Variants in TOX3 observed in about 807,000 individuals in gnomAD.
The protein encoded by TOX3 is CAG trinucleotide repeat-containing gene F9 protein.
TOX3 carries 22 observed loss-of-function variants against 64.3 expected under a neutral mutation model. The observed-to-expected ratio is 0.34, with a 90% CI of 0.24 to 0.49. TOX3 has a LOEUF of 0.49. Among genes scored for constraint, TOX3 ranks in the 20% least tolerant of loss-of-function variants. The probability of loss-of-function intolerance (pLI) is 0.99; values close to 1 mark genes in which losing one functional copy is unlikely to be tolerated. For synonymous variants in TOX3, 291 were observed against 273.6 expected (o/e 1.06, Z -0.63); for missense variants, 661 against 714.4 (o/e 0.93, Z 0.85).
chr16:52,489,949 A>G (rs1294048761), intron 1 of TOX3, among the ~76,000 whole-genome samples: 3 of 152,078 alleles, frequency 2.0e-5, no homozygotes, highest in Admixed American at 2.0e-4. Flanking sequence ...TCAGATGCCA[A>G]TTTCCTCCCT....
intron 1 of TOX3, among the ~76,000 whole-genome samples, chr16:52,502,546 G>A (rs1460896800): frequency 6.6e-6 from 1 of 152,158 alleles, no homozygotes; most frequent in East Asian, 1.9e-4. Context: ...TTAATAAAAA[G>A]CAGTAAGGTC....
Position 52,439,424 on chromosome 16 carries a change from T to C in TOX3, c.1532A>G (p.Gln511Arg), listed in dbSNP as rs940034630. Reference sequence around the variant, plus strand: ...CAGCTGCTGCAGCTGGAGGCGCTGCTGCAGCTGCTGCTGCAGCTGCTGTTG... The same window carrying C: ...CAGCTGCTGCAGCTGGAGGCGCTGCCGCAGCTGCTGCTGCAGCTGCTGTTG... The part of the protein sequence containing the change: ...INQQQLQQQL[Q>R]QRLQLQQLQH... The change falls in exon 7 of 7, where the codon CAG becomes CGG. Residue 511 changes from glutamine to arginine, a missense_variant. By Grantham distance (43) the Gln-to-Arg change is conservative. This residue lies in a region of TOX3 where 299 missense variants were observed against 292.1 expected (regional missense o/e 1.02). Coordinates refer to ENST00000219746, the MANE Select transcript of TOX3 (RefSeq NM_001080430.4). The C allele has an allele frequency of 5.2e-6, 8 of 1,547,592 alleles. No individual in the cohort carries two copies. Among genetic ancestry groups the C allele is most frequent in the Non-Finnish European group, 7.0e-6 (8 of 1,138,188 alleles).
At position 52,529,205 on chromosome 16, in the gene TOX3, G is replaced by A. The variant is rs1962792721; in HGVS notation, c.87+17432C>T. ...TAATTTTCCTGTTTTCATCATTTCA[G>A]TAGATTCTATAATTCTAGGGGGAAA... On this transcript the variant is annotated intron_variant, in intron 1 of 6. Transcript: ENST00000219746. Among the ~76,000 whole-genome samples, 3 of 152,140 alleles carry A rather than the reference G, an allele frequency of 2.0e-5. No homozygotes were observed. The South Asian group carries it at 6.2e-4, about 31-fold the overall frequency.
At chr16:52,473,068 T>C (rs1328839649) in intron 1 of TOX3, among the ~76,000 whole-genome samples, 1 of 152,170 alleles carries the variant, frequency 6.6e-6, no homozygotes, top group East Asian at 1.9e-4. Context: ...CAGGATTTTT[T>C]AGAAATTTAT....
rs890372098 is a variant in TOX3 at position 52,515,192 on chromosome 16, AAAAAAAG to A, written c.87+31438_87+31444del. Among the ~76,000 whole-genome samples the A allele has an allele frequency of 2.0e-5, 3 of 150,854 alleles. 1 individual carries two copies. The highest frequency in any genetic ancestry group is 4.4e-5 in the Non-Finnish European group (3 of 67,890). Reference sequence around the variant, plus strand: ...AAGTATAGCTATGAATGTTAAAAAAAAAAAAAGAAAAAGAAAAAGAAAGAAAAAAGAA... The same window carrying A: ...AAGTATAGCTATGAATGTTAAAAAAAAAAAAGAAAAAGAAAGAAAAAAGAA... On this transcript the variant is annotated intron_variant, in intron 1 of 6. Coordinates refer to ENST00000219746, the MANE Select transcript of TOX3 (RefSeq NM_001080430.4).
intron 3 of TOX3, among the ~76,000 whole-genome samples, chr16:52,462,449 T>C (rs1334511930): frequency 6.6e-6 from 1 of 152,126 alleles, no homozygotes; most frequent in Non-Finnish European, 1.5e-5. Flanking sequence ...ATAACAGTTT[T>C]ATAGCTTTAA....
At chr16:52,515,894 C>T (rs1203972127) in intron 1 of TOX3, among the ~76,000 whole-genome samples, 2 of 152,138 alleles carry the variant, frequency 1.3e-5, no homozygotes, top group African/African-American at 4.8e-5. Context: ...AATCAATCTT[C>T]TGAAATGCTA....
At chr16:52,448,641 TCC>T (rs1269256685) in intron 4 of TOX3, among the ~76,000 whole-genome samples, 1 of 152,204 alleles carries the variant, frequency 6.6e-6, no homozygotes, top group Admixed American at 6.5e-5. Context: ...CACTTGAACC[TCC>T]CTTCTCTGTT....
chr16:52,512,372 T>C (rs1347094979), intron 1 of TOX3, among the ~76,000 whole-genome samples: 1 of 152,204 alleles, frequency 6.6e-6, no homozygotes, highest in East Asian at 1.9e-4. Flanking sequence ...CAACCCAAAA[T>C]GCTCTATTAC....
chr16:52,491,007 C>T (rs939475748), intron 1 of TOX3, among the ~76,000 whole-genome samples: 1 of 152,112 alleles, frequency 6.6e-6, no homozygotes, highest in Admixed American at 6.5e-5. Context: ...TAGGGTTAGT[C>T]TTCCAATATG....
At chr16:52,505,369 A>G (rs1424629807) in intron 1 of TOX3, among the ~76,000 whole-genome samples, 1 of 152,240 alleles carries the variant, frequency 6.6e-6, no homozygotes, top group Non-Finnish European at 1.5e-5. Flanking sequence ...TCATCTGGTT[A>G]ATCCATTTCT....
In TOX3 at chr16:52,444,641, G is replaced by A. The variant is rs74019634; in HGVS notation, c.907-285C>T. The A allele has an allele frequency of 5.6e-3, 1,574 of 283,112 alleles. 34 individuals carry two copies. Among genetic ancestry groups the A allele is most frequent in the African/African-American group, 0.032 (1,450 of 45,778 alleles). The allele number at this position is 283,112 out of a possible 1,614,324, so 17.5% of individuals were successfully genotyped here. A position where few individuals can be genotyped will look rare whatever the true frequency, so the allele number is the denominator to read the frequency against. On this transcript the variant is annotated intron_variant, in intron 5 of 6. Coordinates refer to ENST00000219746, the MANE Select transcript of TOX3 (RefSeq NM_001080430.4). The stretch of plus-strand genomic sequence containing the variant: ...TCTGGATGCAATACAGATTACTTGA[G>A]AATCACTTTTTCTTGAGAACAGCTG...
chr16:52,533,333 A>G (rs1962888643), intron 1 of TOX3, among the ~76,000 whole-genome samples: 1 of 152,192 alleles, frequency 6.6e-6, no homozygotes, highest in Admixed American at 6.5e-5. Context: ...CAAGTTTGAG[A>G]AGCTCTGCTC....
chr16:52,489,801 A>G (rs1486579379), intron 1 of TOX3, among the ~76,000 whole-genome samples: 1 of 152,108 alleles, frequency 6.6e-6, no homozygotes, highest in Admixed American at 6.5e-5. Flanking sequence ...CAATCACTCT[A>G]TTAAATTTCC....
chr16:52,443,031 C>T (rs911633817), intron 6 of TOX3, among the ~76,000 whole-genome samples: 1 of 152,118 alleles, frequency 6.6e-6, no homozygotes, highest in South Asian at 2.1e-4. Flanking sequence ...GGTTTAAATC[C>T]ATATACGGTC....
At position 52,439,315 on chromosome 16, in the gene TOX3, G is replaced by A. The variant is rs756934373; in HGVS notation, c.1641C>T (p.Ile547=). Residue 547 remains isoleucine (I), a synonymous_variant, in exon 7 of 7, where the codon ATC becomes ATT. Transcript: ENST00000219746. Reference sequence around the variant, plus strand: ...GCTGAGAGGCTGGCTGGGGGCTCCCGATGGCAGGGATGGGGGATGTTATCT... The same window carrying A: ...GCTGAGAGGCTGGCTGGGGGCTCCCAATGGCAGGGATGGGGGATGTTATCT... The part of the protein sequence containing the change: ...ASQITSPIPA[I]GSPQPASQQH... The A allele has an allele frequency of 2.7e-5, 44 of 1,613,390 alleles. No individual in the cohort carries two copies. Among genetic ancestry groups the A allele is most frequent in the Non-Finnish European group, 3.7e-5 (44 of 1,179,644 alleles).
At chr16:52,465,143 T>C (rs1280836357) in intron 2 of TOX3, among the ~76,000 whole-genome samples, 1 of 149,736 alleles carries the variant, frequency 6.7e-6, no homozygotes, top group African/African-American at 2.5e-5. Flanking sequence ...GCCTCTCGAG[T>C]AGCTGGGACT....
chr16:52,512,344 G>A (rs1258856499), intron 1 of TOX3, among the ~76,000 whole-genome samples: 1 of 152,168 alleles, frequency 6.6e-6, no homozygotes, highest in Non-Finnish European at 1.5e-5. Context: ...CTGACAGATT[G>A]AATGTTCAAA....
At chr16:52,445,895 A>C in intron 5 of TOX3, 99 bp downstream of exon 5, 1 of 1,103,762 alleles carries the variant, frequency 9.1e-7, no homozygotes, top group Non-Finnish European at 1.3e-6. Context: ...CAAAAGAAGC[A>C]ATCATATTAA....
Sources: gnomAD v4.1 joint callset for allele counts (sites outside exome capture counted in the v4.1 genomes callset) on GRCh38, gnomAD v4.1.1 for gene constraint, gnomAD v4.1.1 regional missense constraint, MANE v1.5 for transcripts, NCBI Gene and HGNC (gene_info 2026-07-23, HGNC 2026-07-21) for gene names.